Variants in IKZF3 observed in about 807,000 individuals in gnomAD.
The protein encoded by IKZF3 is zinc finger protein Aiolos.
A neutral mutation model predicts 49.0 loss-of-function variants in IKZF3; 10 were observed. That is an observed-to-expected ratio of 0.20 (90% CI 0.13 to 0.35). The LOEUF is 0.35. Ranked by LOEUF, IKZF3 falls within the 10% of genes least tolerant of loss-of-function variation. IKZF3 has a pLI of 1.00. For missense variants in IKZF3, 498 were observed against 664.8 expected, an observed-to-expected ratio of 0.75 and a Z score of 2.76; for synonymous variants, 209 against 228.2, an observed-to-expected ratio of 0.92 and a Z score of 0.76.
At chr17:39,829,007 AAAT>A (rs1568031819) in intron 3 of IKZF3, among the ~76,000 whole-genome samples, 1 of 152,138 alleles carries the variant, frequency 6.6e-6, no homozygotes, top group Non-Finnish European at 1.5e-5. Flanking sequence ...TCTCAAAAAA[AAAT>A]AATAATAATA....
At chr17:39,833,880 G>A (rs955344426) in intron 1 of IKZF3, among the ~76,000 whole-genome samples, 2 of 152,130 alleles carry the variant, frequency 1.3e-5, no homozygotes, top group East Asian at 3.9e-4. Flanking sequence ...TATAATTAAT[G>A]AATATATATT....
intron 1 of IKZF3, chr17:39,835,854 T>A: frequency 1.7e-6 from 1 of 604,482 alleles, no homozygotes; most frequent in Non-Finnish European, 3.2e-6. Flanking sequence ...CTCTGTATGC[T>A]TACTGATCTC....
intron 1 of IKZF3, among the ~76,000 whole-genome samples, chr17:39,833,500 A>G (rs1388941338): frequency 6.6e-6 from 1 of 152,178 alleles, no homozygotes; most frequent in African/African-American, 2.4e-5. Flanking sequence ...CTTCATAAAA[A>G]CAGAATCACA....
chr17:39,767,635 A>C (rs1461534485), intron 7 of IKZF3, among the ~76,000 whole-genome samples: 2 of 152,214 alleles, frequency 1.3e-5, no homozygotes, highest in Non-Finnish European at 2.9e-5. Flanking sequence ...TCAGCAATGA[A>C]AATAAAGAAG....
Position 39,766,425 on chromosome 17 carries a change from T to G in IKZF3, c.895A>C (p.Ile299Leu), listed in dbSNP as rs764708925. 6.2e-7 allele frequency: 1 copy of G among 1,614,174 alleles called. No individual in the cohort carries two copies. The highest frequency in any genetic ancestry group is 1.1e-5 in the South Asian group (1 of 91,086). Residue 299 changes from isoleucine to leucine, a missense_variant, in exon 8 of 8, where the codon ATA (isoleucine) becomes CTA (leucine). Physicochemically the swap from Ile to Leu is conservative, Grantham distance 5. Around this residue, in one of 3 missense-constraint regions of IKZF3, gnomAD observed 317 missense variants for 397.3 expected, o/e 0.80. Transcript: ENST00000346872. The stretch of plus-strand genomic sequence containing the variant: ...GCTTGGTCCATCATGCGGGTCTGTA[T>G]GAGCTCACTCTCTTTCTCATACATG... ...SYMYEKESEL[I>L]QTRMMDQAIN...
intron 7 of IKZF3, among the ~76,000 whole-genome samples, chr17:39,768,361 T>A (rs1419015937): frequency 6.6e-6 from 1 of 151,770 alleles, no homozygotes; most frequent in East Asian, 1.9e-4. Flanking sequence ...TGAGGGGGAG[T>A]GCAGGAATGA....
intron 7 of IKZF3, among the ~76,000 whole-genome samples, chr17:39,771,977 A>G (rs1421956494): frequency 6.6e-6 from 1 of 150,822 alleles, no homozygotes; most frequent in Non-Finnish European, 1.5e-5. Context: ...CAAATTCCTG[A>G]GCTCAAGTGA....
At chr17:39,855,990 T>C (rs1361566986) in intron 1 of IKZF3, among the ~76,000 whole-genome samples, 3 of 151,050 alleles carry the variant, frequency 2.0e-5, no homozygotes, top group East Asian at 1.9e-4. Context: ...ATAACATGTA[T>C]ATTGTATATG....
chr17:39,757,986 G>C lies in IKZF3; in HGVS notation c.*7804C>G, dbSNP rs900178062. ...CATTTCTGAGAAATGCAGATGAGAG[G>C]AGAGGCTGTGAGCACAGGCTGTGTC... is the stretch of plus-strand genomic sequence containing the variant. On this transcript the variant is annotated 3_prime_UTR_variant, in exon 8 of 8. Coordinates refer to ENST00000346872, the MANE Select transcript of IKZF3 (RefSeq NM_012481.5). The C allele has an allele frequency of 3.9e-5, 6 of 152,176 alleles. No homozygotes were observed. Among genetic ancestry groups the C allele is most frequent in the Non-Finnish European group, 8.8e-5 (6 of 68,048 alleles). 9.4% of individuals were successfully genotyped at this position (152,176 alleles called of 1,614,324 possible). A position where few individuals can be genotyped will look rare whatever the true frequency, so the allele number is the denominator to read the frequency against.
intron 3 of IKZF3, among the ~76,000 whole-genome samples, chr17:39,804,152 G>A (rs2061384261): frequency 6.6e-6 from 1 of 152,120 alleles, no homozygotes; most frequent in Non-Finnish European, 1.5e-5. Flanking sequence ...GAAATTGAAT[G>A]AATGGGCCGG....
intron 6 of IKZF3, 123 bp downstream of exon 6, chr17:39,788,135 T>G (rs2060917611): frequency 1.6e-6 from 1 of 626,142 alleles, no homozygotes; most frequent in South Asian, 2.1e-5. Context: ...GTTTGCTCAT[T>G]TACTTTCTTT....
intron 3 of IKZF3, among the ~76,000 whole-genome samples, chr17:39,809,108 T>C (rs148824846): frequency 3.5e-4 from 53 of 152,358 alleles, no homozygotes; most frequent in Admixed American, 3.4e-3. Flanking sequence ...GACTGATGAA[T>C]ATAGTGAAAT....
intron 2 of IKZF3, among the ~76,000 whole-genome samples, chr17:39,830,456 CA>C (rs1423880722): frequency 6.6e-6 from 1 of 151,940 alleles, no homozygotes. Context: ...AAAGGAAATA[CA>C]AAGTGTTATT....
At chr17:39,859,962 T>C (rs2063170504) in intron 1 of IKZF3, among the ~76,000 whole-genome samples, 1 of 152,316 alleles carries the variant, frequency 6.6e-6, no homozygotes, top group East Asian at 1.9e-4. Flanking sequence ...CCAGGTGCAG[T>C]GGCTCACTCC....
intron 3 of IKZF3, among the ~76,000 whole-genome samples, chr17:39,798,741 G>A (rs2061239658): frequency 6.6e-6 from 1 of 152,070 alleles, no homozygotes; most frequent in Admixed American, 6.6e-5. Context: ...TCCTGACCTC[G>A]TGATCCGCCG....
intron 1 of IKZF3, among the ~76,000 whole-genome samples, chr17:39,833,325 A>G (rs1321763803): frequency 6.6e-6 from 1 of 152,182 alleles, no homozygotes; most frequent in Non-Finnish European, 1.5e-5. Flanking sequence ...GTTTTTAAAA[A>G]TGCATATCCT....
At chr17:39,783,522 A>G (rs2060796823) in intron 6 of IKZF3, among the ~76,000 whole-genome samples, 1 of 152,062 alleles carries the variant, frequency 6.6e-6, no homozygotes, top group African/African-American at 2.4e-5. Flanking sequence ...GGGTTTCACT[A>G]TGTTGGCCAG....
chr17:39,832,778 A>G lies in IKZF3; in HGVS notation c.8-627T>C, dbSNP rs565740962. ...GTTAATGGGTAAAACATATAGTTAC[A>G]TAGAAGGCATAAGCTCTAATGTTTG... On this transcript the variant is annotated intron_variant, in intron 1 of 7. Coordinates refer to ENST00000346872, the MANE Select transcript of IKZF3 (RefSeq NM_012481.5). 2.0e-5 allele frequency among the ~76,000 whole-genome samples: 3 copies of G among 152,256 alleles called. No homozygotes were observed. In the South Asian group the frequency reaches 6.2e-4, roughly 32 times the overall value.
rs190852402 is a variant in IKZF3 at position 39,759,061 on chromosome 17, A to T, written c.*6729T>A. On this transcript the variant is annotated 3_prime_UTR_variant, in exon 8 of 8. Coordinates refer to ENST00000346872, the MANE Select transcript of IKZF3 (RefSeq NM_012481.5). ...ATTTAATACACCCATTAACATTCCT[A>T]TTTCAAATAGCTCAATCGATATCAA... 6.2e-3 allele frequency: 939 copies of T among 151,976 alleles called. 6 individuals carry two copies. Among genetic ancestry groups the T allele is most frequent in the South Asian group, 0.011 (54 of 4,788 alleles). 9.4% of individuals were successfully genotyped at this position (151,976 alleles called of 1,614,324 possible). A position where few individuals can be genotyped will look rare whatever the true frequency, so the allele number is the denominator to read the frequency against.
Sources: gnomAD v4.1 joint callset for allele counts (sites outside exome capture counted in the v4.1 genomes callset) on GRCh38, gnomAD v4.1.1 for gene constraint, gnomAD v4.1.1 regional missense constraint, MANE v1.5 for transcripts, NCBI Gene and HGNC (gene_info 2026-07-23, HGNC 2026-07-21) for gene names.